The following RGS7 variants were observed in gnomAD, a reference collection of about 807,000 sequenced individuals.
RGS7 encodes the protein regulator of G protein signaling 7, also known as regulator of G-protein signaling 7.
A neutral mutation model predicts 81.1 loss-of-function variants in RGS7; 27 were observed. That is an observed-to-expected ratio of 0.33 (90% CI 0.25 to 0.46). RGS7 has a LOEUF of 0.46. RGS7 is among the 20% of genes least tolerant of loss of function. RGS7 has a pLI of 1.00. For missense variants in RGS7, 396 were observed against 607.4 expected (o/e 0.65, Z 3.66); for synonymous variants, 208 against 207.7 (o/e 1.00, Z -0.01).
chr1:240,876,360 C>T (rs1424779179), intron 6 of RGS7, among the ~76,000 whole-genome samples: 6 of 152,286 alleles, frequency 3.9e-5, no homozygotes, highest in African/African-American at 7.2e-5. Context: ...ATTCCAGACT[C>T]GGTCTTCAAG....
In RGS7 at chr1:240,981,348, G is replaced by A. The variant is rs922419535; in HGVS notation, c.226+1731C>T. 3.9e-5 allele frequency among the ~76,000 whole-genome samples: 6 copies of A among 152,088 alleles called. No individual in the cohort carries two copies. In the East Asian group the frequency reaches 9.7e-4, roughly 24 times the overall value. On this transcript the variant is annotated intron_variant, in intron 4 of 18. Coordinates refer to ENST00000440928, the MANE Select transcript of RGS7 (RefSeq NM_001364886.1). ...GCTGGTCTCGAACTCCTGAGCTCGT[G>A]ATCCACCCACCTCAGCCTCCCAAAG...
intron 2 of RGS7, among the ~76,000 whole-genome samples, chr1:241,162,600 T>A (rs1027816329): frequency 1.3e-5 from 2 of 152,130 alleles, no homozygotes; most frequent in African/African-American, 4.8e-5. Context: ...TAAAGCTTTT[T>A]AAACAACTCT....
intron 2 of RGS7, among the ~76,000 whole-genome samples, chr1:241,165,010 G>A (rs2070070578): frequency 6.6e-6 from 1 of 152,148 alleles, no homozygotes; most frequent in African/African-American, 2.4e-5. Context: ...CTGATCCTGT[G>A]TAAGGGCTCA....
intron 3 of RGS7, among the ~76,000 whole-genome samples, chr1:240,987,116 T>C (rs1685786103): frequency 6.6e-6 from 1 of 152,158 alleles, no homozygotes; most frequent in Non-Finnish European, 1.5e-5. Flanking sequence ...CCTACAGCTA[T>C]CCACAAACTA....
chr1:240,875,838 T>C (rs1250344844), intron 6 of RGS7, among the ~76,000 whole-genome samples: 1 of 152,232 alleles, frequency 6.6e-6, no homozygotes, highest in Non-Finnish European at 1.5e-5. Context: ...GGTCTTCTTT[T>C]GAAAAATGTC....
chr1:241,271,884 CGTGTGTGTGTGTGTGTGTGTGTGTGT>C lies in RGS7; in HGVS notation c.78+83789_78+83814del, dbSNP rs373357799. Among the ~76,000 whole-genome samples, 4 of 140,378 alleles carry C rather than the reference CGTGTGTGTGTGTGTGTGTGTGTGTGT, an allele frequency of 2.8e-5. No individual in the cohort carries two copies. The highest frequency in any genetic ancestry group is 4.6e-5 in the Non-Finnish European group (3 of 65,712). The allele number at this position is 140,378 out of a possible 152,430, so 92.1% of individuals were successfully genotyped here. ...AATCACACAAGCCAAATCTTTATAA[CGTGTGTGTGTGTGTGTGTGTGTGTGT>C]GTGTGTGTGTGTGTGTGTGTGTAGA... On this transcript the variant is annotated intron_variant, in intron 2 of 18. Coordinates refer to ENST00000440928, the MANE Select transcript of RGS7 (RefSeq NM_001364886.1). The surrounding 1 kb of genome is among the most constrained non-coding windows in gnomAD (Gnocchi z 4.6).
intron 3 of RGS7, among the ~76,000 whole-genome samples, chr1:241,048,787 C>A (rs765978072): frequency 6.6e-6 from 1 of 152,174 alleles, no homozygotes; most frequent in African/African-American, 2.4e-5. Context: ...CAATGTGCCA[C>A]CAACTGGGTG....
At chr1:240,961,194 A>C (rs971571877) in intron 4 of RGS7, among the ~76,000 whole-genome samples, 6 of 152,226 alleles carry the variant, frequency 3.9e-5, no homozygotes, top group African/African-American at 1.4e-4. Context: ...GGAAGAAATA[A>C]TGGCATCAAA....
At chr1:240,993,490 T>C (rs1034400050) in intron 3 of RGS7, among the ~76,000 whole-genome samples, 1 of 152,206 alleles carries the variant, frequency 6.6e-6, no homozygotes, top group Non-Finnish European at 1.5e-5. Flanking sequence ...TTCATATGCT[T>C]TTTTGGTGTA....
At chr1:241,299,757 T>C (rs1250134226) in intron 2 of RGS7, among the ~76,000 whole-genome samples, 1 of 151,814 alleles carries the variant, frequency 6.6e-6, no homozygotes, top group Non-Finnish European at 1.5e-5. Flanking sequence ...TCTTTCATTT[T>C]AGTCCTTAAC....
At chr1:241,074,829 G>A (rs1558679461) in intron 3 of RGS7, among the ~76,000 whole-genome samples, 1 of 152,190 alleles carries the variant, frequency 6.6e-6, no homozygotes, top group African/African-American at 2.4e-5. Flanking sequence ...GCCAGTATAT[G>A]CGGTAGCTAC....
At chr1:241,014,230 G>T (rs1454019081) in intron 3 of RGS7, among the ~76,000 whole-genome samples, 1 of 151,970 alleles carries the variant, frequency 6.6e-6, no homozygotes, top group Non-Finnish European at 1.5e-5. Flanking sequence ...TTGAAGTCTT[G>T]AAATGCAAAG....
Position 240,989,288 on chromosome 1 carries a change from A to C in RGS7, c.176-6159T>G, listed in dbSNP as rs1395924348. ...CCCTGTCTCTACTAAAAAAAAAAAA[A>C]AATTAGCTGGGCATGATGTTGCGTG... On this transcript the variant is annotated intron_variant, in intron 3 of 18. Coordinates refer to ENST00000440928, the MANE Select transcript of RGS7 (RefSeq NM_001364886.1). Among the ~76,000 whole-genome samples the C allele has an allele frequency of 2.0e-5, 3 of 152,050 alleles. No individual in the cohort carries two copies. The East Asian group carries it at 5.8e-4, about 29-fold the overall frequency.
intron 2 of RGS7, among the ~76,000 whole-genome samples, chr1:241,178,164 C>T (rs886551940): frequency 6.6e-6 from 1 of 151,958 alleles, no homozygotes; most frequent in East Asian, 1.9e-4. Flanking sequence ...CAGTGACAGG[C>T]ATCTGTAGTC....
intron 2 of RGS7, among the ~76,000 whole-genome samples, chr1:241,182,887 T>G (rs1438552230): frequency 6.6e-6 from 1 of 151,930 alleles, no homozygotes; most frequent in Non-Finnish European, 1.5e-5. Context: ...TTGGCCAGGC[T>G]GGTCTCAAAC....
At chr1:241,209,484 G>T (rs2074119013) in intron 2 of RGS7, among the ~76,000 whole-genome samples, 1 of 152,088 alleles carries the variant, frequency 6.6e-6, no homozygotes, top group Admixed American at 6.5e-5. Flanking sequence ...AATGATAATA[G>T]TAGGTAGCAC....
intron 2 of RGS7, among the ~76,000 whole-genome samples, chr1:241,122,940 G>A (rs1003414341): frequency 6.6e-6 from 1 of 152,100 alleles, no homozygotes; most frequent in Non-Finnish European, 1.5e-5. Flanking sequence ...ATCCTAAGTC[G>A]AACCACATTA....
intron 2 of RGS7, among the ~76,000 whole-genome samples, chr1:241,259,667 A>AATATATATATATATATATATATAT (rs59037983): frequency 4.1e-5 from 2 of 49,088 alleles, no homozygotes; most frequent in Non-Finnish European, 7.3e-5. Context: ...AAAAAAAAAA[A>AATATATATATATATATATATATAT]ATATATATAT....
intron 3 of RGS7, among the ~76,000 whole-genome samples, chr1:241,011,821 C>A (rs1448508902): frequency 1.3e-5 from 2 of 152,078 alleles, no homozygotes; most frequent in Non-Finnish European, 2.9e-5. Flanking sequence ...ATATCACAAA[C>A]CCATGTAGCA....
Sources: allele counts gnomAD v4.1 joint callset (sites outside exome capture counted in the v4.1 genomes callset), GRCh38; gene constraint gnomAD v4.1.1; non-coding constraint Gnocchi (gnomAD v3.1); transcripts MANE v1.5; gene names NCBI Gene and HGNC (gene_info 2026-07-23, HGNC 2026-07-21).